The following MID1 variants were observed in gnomAD, a reference collection of about 807,000 sequenced individuals.
The protein encoded by MID1 is midline 1.
In MID1, 7 loss-of-function variants were observed where a neutral mutation model predicts 40.4. The ratio of observed to expected loss-of-function variants is 0.17; its 90% CI spans 0.10 to 0.33. The LOEUF (loss-of-function observed/expected upper bound fraction) is 0.33, where lower values mean the gene tolerates loss of function less well. MID1 is among the 10% of genes least tolerant of loss of function. MID1 has a pLI of 1.00. For synonymous variants in MID1, 229 were observed against 221.2 expected (o/e 1.04, Z -0.31); for missense variants, 367 against 558.5 (o/e 0.66, Z 3.46).
At chrX:10,516,333 T>C (rs1932407158) in intron 3 of MID1, among the ~76,000 whole-genome samples, 1 of 108,910 alleles carries the variant, frequency 9.2e-6, no homozygotes, top group Admixed American at 9.8e-5. Flanking sequence ...TAGCTGGGAC[T>C]ACAGGCGCCC....
intron 1 of MID1, among the ~76,000 whole-genome samples, chrX:10,596,276 T>TTCC (rs1935409331): frequency 9.0e-6 from 1 of 111,198 alleles, no homozygotes; most frequent in Non-Finnish European, 1.9e-5. Context: ...GAGAAAGACC[T>TTCC]AAGACTGGAT....
At chrX:10,560,410 T>C (rs951158881) in intron 2 of MID1, among the ~76,000 whole-genome samples, 1 of 111,220 alleles carries the variant, frequency 9.0e-6, no homozygotes, top group African/African-American at 3.3e-5. Context: ...GGTATTCGAA[T>C]AGGAGAGAGG....
chrX:10,533,076 T>A (rs1249660091), intron 2 of MID1, among the ~76,000 whole-genome samples: 1 of 109,326 alleles, frequency 9.1e-6, no homozygotes. Context: ...CCGCCCTCAT[T>A]TTTGCATTTT....
chrX:10,545,006 A>C (rs780155421), intron 2 of MID1, among the ~76,000 whole-genome samples: 1 of 111,871 alleles, frequency 8.9e-6, no homozygotes, highest in Admixed American at 9.5e-5. Flanking sequence ...ACCTAGGCTG[A>C]AGTGCAGTGG....
intron 5 of MID1, among the ~76,000 whole-genome samples, chrX:10,479,316 C>T (rs1263510349): frequency 8.9e-6 from 1 of 111,809 alleles, no homozygotes; most frequent in Non-Finnish European, 1.9e-5. Context: ...TATCAATCCC[C>T]TCAAGCATTT....
chrX:10,790,852 C>T (rs1222839745), intron 1 of MID1, among the ~76,000 whole-genome samples: 1 of 112,144 alleles, frequency 8.9e-6, no homozygotes, highest in African/African-American at 3.2e-5. Context: ...AAATCATTTT[C>T]CCTCTGAGCT....
At chrX:10,681,661 C>G (rs2043061555) in intron 1 of MID1, among the ~76,000 whole-genome samples, 1 of 110,756 alleles carries the variant, frequency 9.0e-6, no homozygotes, top group African/African-American at 3.3e-5. Flanking sequence ...AAACTTCACC[C>G]ATGTTCAAGG....
intron 3 of MID1, among the ~76,000 whole-genome samples, chrX:10,511,195 G>A (rs183149203): frequency 1.9e-4 from 20 of 104,493 alleles, no homozygotes; most frequent in African/African-American, 2.5e-4. Context: ...GCAGTGAGCC[G>A]AGATGACACC....
chrX:10,645,012 C>T (rs752503754), intron 1 of MID1, among the ~76,000 whole-genome samples: 2 of 111,905 alleles, frequency 1.8e-5, no homozygotes, highest in South Asian at 7.5e-4. Flanking sequence ...GACAGCATGG[C>T]ACTTTGTTCT....
intron 1 of MID1, among the ~76,000 whole-genome samples, chrX:10,570,779 G>A (rs1173518086): frequency 8.9e-6 from 1 of 112,802 alleles, no homozygotes; most frequent in Non-Finnish European, 1.9e-5. Flanking sequence ...ATAAAGGAAT[G>A]AGTATGGCTG....
chrX:10,513,566 T>C (rs1189447552), intron 3 of MID1, among the ~76,000 whole-genome samples: 3 of 112,421 alleles, frequency 2.7e-5, no homozygotes, highest in Admixed American at 1.9e-4. Context: ...TGGAGTGCAA[T>C]GGCGTGATCT....
In MID1 at chrX:10,707,155, C is replaced by G. The variant is rs143188075; in HGVS notation, c.-186-86736G>C. On this transcript the variant is annotated intron_variant, in intron 1 of 10. Transcript: ENST00000380785. ...ACAAAAATTTTATTTCTTGTTCATG[C>G]AATAGTCCCACATGGATGATCCTGG... 3.0e-3 allele frequency among the ~76,000 whole-genome samples: 338 copies of G among 111,990 alleles called. 2 individuals carry two copies. The highest frequency in any genetic ancestry group is 0.011 in the African/African-American group (326 of 30,899).
chrX:10,498,172 C>T (rs1349878651), intron 3 of MID1, among the ~76,000 whole-genome samples: 1 of 112,179 alleles, frequency 8.9e-6, no homozygotes, highest in Non-Finnish European at 1.9e-5. Flanking sequence ...GGTGCCATAA[C>T]GGCTCACTGC....
At chrX:10,770,146 A>T (rs768320703) in intron 1 of MID1, among the ~76,000 whole-genome samples, 2 of 111,536 alleles carry the variant, frequency 1.8e-5, no homozygotes, top group Non-Finnish European at 3.8e-5. Context: ...GTCCGCCCTC[A>T]TCTCTTCCCT....
intron 1 of MID1, among the ~76,000 whole-genome samples, chrX:10,809,569 A>G (rs1270995822): frequency 8.9e-6 from 1 of 111,871 alleles, no homozygotes; most frequent in Non-Finnish European, 1.9e-5. Context: ...AAAATGTGGC[A>G]CATACACACC....
At chrX:10,510,830 C>CA (rs1185825614) in intron 3 of MID1, among the ~76,000 whole-genome samples, 437 of 23,602 alleles carry the variant, frequency 0.019, 6 homozygotes, top group East Asian at 0.023. Flanking sequence ...GACTCTGTCT[C>CA]AAAAAAAAAA....
chrX:10,821,024 T>C (rs1206908476), intron 1 of MID1, among the ~76,000 whole-genome samples: 1 of 112,258 alleles, frequency 8.9e-6, no homozygotes, highest in Non-Finnish European at 1.9e-5. Context: ...GATTTGAAAT[T>C]TCACATGCAA....
Position 10,819,337 on chromosome X carries a change from C to T in MID1, c.-187+14217G>A, listed in dbSNP as rs946735023. Among the ~76,000 whole-genome samples the T allele has an allele frequency of 4.5e-5, 5 of 112,154 alleles. No homozygotes were observed. The East Asian group carries it at 1.1e-3, about 25-fold the overall frequency. ...GAAATTAATTTGTATTGTAACTTATCTCCCTTATGCATACCCATCTATTTG... is the reference window on the plus strand; with the variant it reads ...GAAATTAATTTGTATTGTAACTTATTTCCCTTATGCATACCCATCTATTTG... On this transcript the variant is annotated intron_variant, in intron 1 of 10. Transcript: ENST00000380785.
At chrX:10,612,538 G>A (rs943344896) in intron 1 of MID1, among the ~76,000 whole-genome samples, 1 of 112,007 alleles carries the variant, frequency 8.9e-6, no homozygotes, top group Non-Finnish European at 1.9e-5. Flanking sequence ...AATCCTCCTA[G>A]TTTTTGCTGT....
Sources: allele counts gnomAD v4.1 joint callset (sites outside exome capture counted in the v4.1 genomes callset), GRCh38; gene constraint gnomAD v4.1.1; transcripts MANE v1.5; gene names NCBI Gene and HGNC (gene_info 2026-07-23, HGNC 2026-07-21).